The following TAOK1 variants were observed in gnomAD, a reference collection of about 807,000 sequenced individuals.
TAOK1 encodes the protein serine/threonine-protein kinase TAO1.
In TAOK1, 21 loss-of-function variants were observed where a neutral mutation model predicts 138.3. The ratio of observed to expected loss-of-function variants is 0.15; its 90% CI spans 0.11 to 0.22. TAOK1 has a LOEUF of 0.22. Among genes scored for constraint, TAOK1 ranks in the 10% least tolerant of loss-of-function variants. The pLI is 1.00. For missense variants in TAOK1, 651 were observed against 1,227.7 expected (o/e 0.53, Z 7.02); for synonymous variants, 361 against 398.4 (o/e 0.91, Z 1.12).
At chr17:29,529,102 G>A (rs918184034) in intron 17 of TAOK1, among the ~76,000 whole-genome samples, 1 of 151,522 alleles carries the variant, frequency 6.6e-6, no homozygotes, top group Non-Finnish European at 1.5e-5. Flanking sequence ...CTCCCTAGCA[G>A]CTAGGACTAC....
At chr17:29,511,891 T>C (rs977785610) in intron 15 of TAOK1, 1 of 152,144 alleles carries the variant, frequency 6.6e-6, no homozygotes, top group African/African-American at 2.4e-5. Flanking sequence ...TACTTTTGGA[T>C]CAGAAGATTA....
intron 17 of TAOK1, among the ~76,000 whole-genome samples, chr17:29,526,427 G>A (rs1178619708): frequency 6.6e-6 from 1 of 151,454 alleles, no homozygotes; most frequent in Non-Finnish European, 1.5e-5. Context: ...TGGTTTTTTT[G>A]TTTGTTTTTG....
chr17:29,454,247 T>C (rs1471879532), intron 2 of TAOK1, among the ~76,000 whole-genome samples: 2 of 152,206 alleles, frequency 1.3e-5, no homozygotes, highest in Non-Finnish European at 2.9e-5. Flanking sequence ...GATTAATTTC[T>C]GATCTCTTAA....
intron 15 of TAOK1, 63 bp from the exon 16 acceptor site, chr17:29,517,390 G>T: frequency 3.2e-6 from 5 of 1,541,470 alleles, no homozygotes; most frequent in Admixed American, 3.5e-5. Context: ...AGAGTGCTGG[G>T]ATTACAGGCG....
Position 29,408,681 on chromosome 17 carries a change from T to C in TAOK1, c.-95+17657T>C, listed in dbSNP as rs1280226586. Among the ~76,000 whole-genome samples, 6 of 152,072 alleles carry C rather than the reference T, an allele frequency of 3.9e-5. No homozygotes were observed. The East Asian group carries it at 7.7e-4, about 20-fold the overall frequency. ...CCTTTGCAGTCTCTTTTCAGTCTTA[T>C]TCCTGTGCAGCCGCTGATGTGATTT... On this transcript the variant is annotated intron_variant, in intron 1 of 19. Transcript: ENST00000261716.
At chr17:29,403,319 G>A (rs1468631474) in intron 1 of TAOK1, among the ~76,000 whole-genome samples, 1 of 152,016 alleles carries the variant, frequency 6.6e-6, no homozygotes, top group Non-Finnish European at 1.5e-5. Context: ...TTCCCATTGA[G>A]GCTGAGAAAG....
chr17:29,485,118 T>G (rs2031143218), intron 8 of TAOK1, among the ~76,000 whole-genome samples: 1 of 152,224 alleles, frequency 6.6e-6, no homozygotes, highest in South Asian at 2.1e-4. Context: ...TACTTGGTTA[T>G]GTCTTAATAC....
intron 1 of TAOK1, among the ~76,000 whole-genome samples, chr17:29,443,885 C>A (rs1467739615): frequency 6.6e-6 from 1 of 151,906 alleles, no homozygotes; most frequent in South Asian, 2.1e-4. Flanking sequence ...GAGGCCGAAG[C>A]GGGCAGATTA....
At chr17:29,417,973 G>A (rs758945982) in intron 1 of TAOK1, among the ~76,000 whole-genome samples, 2 of 151,948 alleles carry the variant, frequency 1.3e-5, no homozygotes, top group Non-Finnish European at 2.9e-5. Flanking sequence ...CTGCAGCCTC[G>A]ACTTCCCAGG....
At chr17:29,440,345 TGA>T (rs1256191443) in intron 1 of TAOK1, among the ~76,000 whole-genome samples, 1 of 152,144 alleles carries the variant, frequency 6.6e-6, no homozygotes, top group Non-Finnish European at 1.5e-5. Context: ...TAAGTGCTTG[TGA>T]GAGAGACATT....
At chr17:29,396,060 T>C (rs974883831) in intron 1 of TAOK1, among the ~76,000 whole-genome samples, 9 of 152,110 alleles carry the variant, frequency 5.9e-5, no homozygotes, top group African/African-American at 1.4e-4. Context: ...CCTGTATTAG[T>C]TCATTCCATT....
Position 29,484,690 on chromosome 17 carries a change from C to T in TAOK1, c.655+2402C>T, listed in dbSNP as rs330157. On this transcript the variant is annotated intron_variant, in intron 8 of 19. Coordinates refer to ENST00000261716, the MANE Select transcript of TAOK1 (RefSeq NM_020791.4). ...CACAATCTTGGCTCACTGCAACCTCCGCCTCCTGGGTTCAAGGGATTCTCC... is the reference window on the plus strand; with the variant it reads ...CACAATCTTGGCTCACTGCAACCTCTGCCTCCTGGGTTCAAGGGATTCTCC... Among the ~76,000 whole-genome samples the T allele has an allele frequency of 7.2e-5, 11 of 151,900 alleles. 1 individual carries two copies. The highest frequency in any genetic ancestry group is 3.9e-4 in the Admixed American group (6 of 15,220).
At chr17:29,447,730 C>T (rs935752543) in intron 1 of TAOK1, among the ~76,000 whole-genome samples, 2 of 151,234 alleles carry the variant, frequency 1.3e-5, no homozygotes, top group South Asian at 4.2e-4. Flanking sequence ...GATCTTGGCT[C>T]AGGGCATCCT....
chr17:29,502,549 G>A (rs1445646076), intron 12 of TAOK1, 40 bp from the exon 13 acceptor site: 1 of 1,574,604 alleles, frequency 6.4e-7, no homozygotes, highest in African/African-American at 1.4e-5. Context: ...CAAACAAACT[G>A]TTCACCTTAC....
intron 1 of TAOK1, among the ~76,000 whole-genome samples, chr17:29,421,229 G>A (rs556805233): frequency 1.3e-5 from 2 of 152,234 alleles, no homozygotes; most frequent in East Asian, 1.9e-4. Context: ...GCATCCAGCC[G>A]GTTATACATT....
intron 11 of TAOK1, among the ~76,000 whole-genome samples, chr17:29,497,837 T>C (rs948778497): frequency 6.6e-6 from 1 of 151,768 alleles, no homozygotes; most frequent in East Asian, 1.9e-4. Flanking sequence ...ATGAAGTTTC[T>C]AGTACTTTAT....
At chr17:29,425,840 T>C (rs977078711) in intron 1 of TAOK1, among the ~76,000 whole-genome samples, 2 of 152,234 alleles carry the variant, frequency 1.3e-5, no homozygotes, top group Non-Finnish European at 2.9e-5. Context: ...CTTATTTTAA[T>C]GCATTTTACA....
chr17:29,540,956 C>T (rs1047936353), intron 19 of TAOK1, among the ~76,000 whole-genome samples: 3 of 148,528 alleles, frequency 2.0e-5, no homozygotes, highest in Non-Finnish European at 3.0e-5. Flanking sequence ...CCACCCACCT[C>T]GGCCTCCCAA....
chr17:29,505,908 G>T (rs141840833), intron 13 of TAOK1, among the ~76,000 whole-genome samples: 1 of 152,082 alleles, frequency 6.6e-6, no homozygotes, highest in Non-Finnish European at 1.5e-5. Flanking sequence ...GTACTCCAGC[G>T]TGGGCAACCC....
Sources: gnomAD v4.1 joint callset for allele counts (sites outside exome capture counted in the v4.1 genomes callset) on GRCh38, gnomAD v4.1.1 for gene constraint, MANE v1.5 for transcripts, NCBI Gene and HGNC (gene_info 2026-07-23, HGNC 2026-07-21) for gene names.